DGKK: variants seen among roughly 807,000 people sequenced by gnomAD.
DGKK encodes 142 kDa diacylglycerol kinase.
Under a neutral mutation model 92.2 loss-of-function variants are expected in DGKK, and 35 were observed. That is an observed-to-expected ratio of 0.38 (90% confidence interval 0.29 to 0.50). The LOEUF (loss-of-function observed/expected upper bound fraction) is 0.50, where lower values mean the gene tolerates loss of function less well. Ranked by LOEUF, DGKK falls within the 20% of genes least tolerant of loss-of-function variation. The pLI, the probability that DGKK is intolerant of heterozygous loss-of-function variation, is 0.92. For synonymous variants in DGKK, 368 were observed against 360.6 expected, an observed-to-expected ratio of 1.02 and a Z score of -0.23; for missense variants, 910 against 992.2, an observed-to-expected ratio of 0.92 and a Z score of 1.11.
At chrX:50,386,169 G>A (rs1924538801) in intron 15 of DGKK, among the ~76,000 whole-genome samples, 189 bp downstream of exon 15, 1 of 111,435 alleles carries the variant, frequency 9.0e-6, no homozygotes, top group Non-Finnish European at 1.9e-5. Context: ...AGCCAAAGGG[G>A]CAGCTTAGCA....
rs1973500726 is a variant in DGKK at position 50,470,426 on chromosome X, G to A, written c.253C>T (p.Pro85Ser). ...GGTTCTGAGGCCGGCTCTGTGGCTG[G>A]TTCTGGGGTCGGTTCTGTGTACAGT... is the stretch of plus-strand genomic sequence containing the variant. Reference protein sequence around the residue: ...TELYTEPTPEPATEPASEPAP... With the variant: ...TELYTEPTPESATEPASEPAP... Residue 85 changes from proline to serine, a missense_variant, in exon 1 of 28, where the codon CCA becomes TCA. Physicochemically the swap from Pro to Ser is moderately conservative, Grantham distance 74 (BLOSUM62 -1). Coordinates refer to ENST00000611977, the MANE Select transcript of DGKK (RefSeq NM_001013742.4). 1 of 1,210,828 alleles carries A rather than the reference G, an allele frequency of 8.3e-7. No homozygotes were observed. The highest frequency in any genetic ancestry group is 1.1e-6 in the Non-Finnish European group (1 of 895,131).
chrX:50,429,961 A>T (rs1557230120), intron 1 of DGKK, among the ~76,000 whole-genome samples: 1 of 112,220 alleles, frequency 8.9e-6, no homozygotes, highest in Admixed American at 9.4e-5. Flanking sequence ...GGCGTTTTCT[A>T]ACGCAATTCT....
rs1557225105 is a variant in DGKK, at chrX:50,387,653, T to A, written c.2019A>T (p.Arg673Ser). 4 of 1,182,828 alleles carry A rather than the reference T, an allele frequency of 3.4e-6. No individual in the cohort carries two copies. Among genetic ancestry groups the A allele is most frequent in the Non-Finnish European group, 4.6e-6 (4 of 871,235 alleles). ...AATCTTCCACAGCTGAACACAAGAA[T>A]CTGGAAAGATAAAATAGATGGCACA... ...KYPTEMIIAT[R>S]FLCSAVEDFV... The change falls in exon 14 of 28, where the codon AGA becomes AGT. Residue 673 changes from arginine to serine, a missense_variant and splice_region_variant. Arg to Ser is a moderately radical substitution (Grantham distance 110). Coordinates refer to ENST00000611977, the MANE Select transcript of DGKK (RefSeq NM_001013742.4).
intron 8 of DGKK, among the ~76,000 whole-genome samples, chrX:50,398,496 G>A (rs1924911947): frequency 9.0e-6 from 1 of 111,677 alleles, no homozygotes; most frequent in Non-Finnish European, 1.9e-5. Context: ...TGACTAGGAG[G>A]AAAAGTTAAA....
At chrX:50,423,765 C>G (rs1242847902) in intron 2 of DGKK, among the ~76,000 whole-genome samples, 1 of 111,716 alleles carries the variant, frequency 9.0e-6, no homozygotes, top group Non-Finnish European at 1.9e-5. Context: ...CTTACATTTG[C>G]ATTTAAAACT....
rs782036950 is a variant in DGKK, at chrX:50,470,329, G to A, written c.350C>T (p.Pro117Leu). The A allele has an allele frequency of 9.1e-6, 11 of 1,208,715 alleles. No individual in the cohort carries two copies. Among genetic ancestry groups the A allele is most frequent in the Non-Finnish European group, 1.1e-5 (10 of 894,451 alleles). ...TEPAPEPAPEPATESAPEPTP... is the reference protein window; with the variant it reads ...TEPAPEPAPELATESAPEPTP... ...CGGCTCTGGGGCAGACTCTGTGGCA[G>A]GTTCTGGGGCCGGTTCTGGGGCCGG... Residue 117 changes from proline (P) to leucine (L), a missense_variant, in exon 1 of 28, where the codon CCT becomes CTT. Transcript: ENST00000611977.
chrX:50,469,736 A>T (rs782721687), intron 1 of DGKK, among the ~76,000 whole-genome samples: 30 of 112,518 alleles, frequency 2.7e-4, no homozygotes, highest in African/African-American at 9.7e-4. Flanking sequence ...CTCTTTCAAG[A>T]TATTGGCGCT....
rs967669492 is a variant in DGKK, at chrX:50,451,823, G to A, written c.645+18211C>T. Among the ~76,000 whole-genome samples, 6 of 111,911 alleles carry A rather than the reference G, an allele frequency of 5.4e-5. No homozygotes were observed. The East Asian group carries it at 8.5e-4, about 16-fold the overall frequency. On this transcript the variant is annotated intron_variant, in intron 1 of 27. Transcript: ENST00000611977. The stretch of plus-strand genomic sequence containing the variant: ...TTAACCAGAAGAGAAGGAAACAGCA[G>A]TAATTAAAGGGGATATATGACTCTG...
At chrX:50,468,643 C>T (rs1926971078) in intron 1 of DGKK, among the ~76,000 whole-genome samples, 1 of 111,185 alleles carries the variant, frequency 9.0e-6, no homozygotes, top group Non-Finnish European at 1.9e-5. Context: ...TTCAGTTATT[C>T]GTCATTGCAG....
At chrX:50,406,040 A>G (rs781856894) in intron 4 of DGKK, among the ~76,000 whole-genome samples, 21 of 112,129 alleles carry the variant, frequency 1.9e-4, no homozygotes, top group African/African-American at 6.2e-4. Context: ...TGAATAAACC[A>G]TAGTTGTTTC....
chrX:50,395,756 T>A (rs1230153200), intron 8 of DGKK, among the ~76,000 whole-genome samples: 1 of 103,533 alleles, frequency 9.7e-6, no homozygotes, highest in African/African-American at 3.6e-5. Context: ...AGATTAAAAC[T>A]AGCCTATGTT....
intron 4 of DGKK, among the ~76,000 whole-genome samples, chrX:50,404,390 GA>G (rs1379518272): frequency 9.3e-6 from 1 of 107,183 alleles, no homozygotes; most frequent in African/African-American, 3.4e-5. Context: ...GTTTCAAAAA[GA>G]AAAATAATAG....
chrX:50,371,042 G>T (rs1924110709), intron 26 of DGKK, among the ~76,000 whole-genome samples: 1 of 112,700 alleles, frequency 8.9e-6, no homozygotes, highest in African/African-American at 3.2e-5. Context: ...TGCCAGGCCA[G>T]CTGCTTCCCT....
intron 1 of DGKK, among the ~76,000 whole-genome samples, chrX:50,434,140 C>T (rs1245007911): frequency 9.0e-6 from 1 of 110,546 alleles, no homozygotes; most frequent in Admixed American, 9.6e-5. Context: ...TTTATCCTAA[C>T]CATCTACTAT....
Position 50,404,195 on chromosome X carries a change from T to C in DGKK, c.943-11A>G. The C allele has an allele frequency of 8.4e-7, 1 of 1,196,130 alleles. No individual in the cohort carries two copies. Among genetic ancestry groups the C allele is most frequent in the East Asian group, 3.0e-5 (1 of 33,383 alleles). Reference sequence around the variant, plus strand: ...TTCTGCTGCAGGTATCTAAAATAAATAAACGAGAAGAGAGAATGGAGGATG... The same window carrying C: ...TTCTGCTGCAGGTATCTAAAATAAACAAACGAGAAGAGAGAATGGAGGATG... On this transcript the variant is annotated splice_polypyrimidine_tract_variant and intron_variant, in intron 4 of 27. Coordinates refer to ENST00000611977, the MANE Select transcript of DGKK (RefSeq NM_001013742.4).
At position 50,451,761 on chromosome X, in the gene DGKK, T is replaced by A. The variant is rs190932360; in HGVS notation, c.645+18273A>T. Among the ~76,000 whole-genome samples, 17 of 111,725 alleles carry A rather than the reference T, an allele frequency of 1.5e-4. No homozygotes were observed. In the East Asian group the frequency reaches 4.8e-3, roughly 32 times the overall value. ...ATGCTAAGTACTCAGAAATACTTGT[T>A]GAATTGAATTGTGGATCTTTCTCTT... is the stretch of plus-strand genomic sequence containing the variant. On this transcript the variant is annotated intron_variant, in intron 1 of 27. Coordinates refer to ENST00000611977, the MANE Select transcript of DGKK (RefSeq NM_001013742.4).
intron 2 of DGKK, among the ~76,000 whole-genome samples, chrX:50,423,827 A>T (rs1925664982): frequency 8.9e-6 from 1 of 112,330 alleles, no homozygotes; most frequent in Non-Finnish European, 1.9e-5. Flanking sequence ...ATTATTTAAA[A>T]TCGTATTTTT....
At chrX:50,373,036 G>A (rs782279823) in intron 25 of DGKK, among the ~76,000 whole-genome samples, 3 of 112,151 alleles carry the variant, frequency 2.7e-5, no homozygotes, top group Non-Finnish European at 3.8e-5. Context: ...GGGATACTGA[G>A]GGAGGAGCAA....
At position 50,470,018 on chromosome X, in the gene DGKK, G is replaced by A. The variant is rs1557234334; in HGVS notation, c.645+16C>T. 2.6e-6 allele frequency: 3 copies of A among 1,175,394 alleles called. No homozygotes were observed. The African/African-American group carries it at 5.3e-5, about 21-fold the overall frequency. On this transcript the variant is annotated intron_variant, in intron 1 of 27. Coordinates refer to ENST00000611977, the MANE Select transcript of DGKK (RefSeq NM_001013742.4). The stretch of plus-strand genomic sequence containing the variant: ...GCCTTGCTTCTTTTCCCCGCTTCAG[G>A]GGGTCTTTTGCTTACCTTTATTCTG...
Sources: allele counts gnomAD v4.1 joint callset (sites outside exome capture counted in the v4.1 genomes callset), GRCh38; gene constraint gnomAD v4.1.1; transcripts MANE v1.5; gene names NCBI Gene and HGNC (gene_info 2026-07-23, HGNC 2026-07-21).